The following FRYL variants were observed in gnomAD, a reference collection of about 807,000 sequenced individuals.
The protein encoded by FRYL is protein furry homolog-like.
In FRYL, 150 loss-of-function variants were observed where a neutral mutation model predicts 351.2. That is an observed-to-expected ratio of 0.43 (90% confidence interval 0.37 to 0.49). The LOEUF is 0.49. FRYL is among the 20% of genes least tolerant of loss of function. The pLI is 0.00. For missense variants in FRYL, 3,036 were observed against 3,619.3 expected (o/e 0.84, Z 4.13); for synonymous variants, 1,153 against 1,257.1 (o/e 0.92, Z 1.75).
chr4:48,555,720 T>C (rs1267568896), intron 35 of FRYL, among the ~76,000 whole-genome samples: 1 of 152,102 alleles, frequency 6.6e-6, no homozygotes, highest in Non-Finnish European at 1.5e-5. Flanking sequence ...TGCGGTAACG[T>C]TGTCTTGTAC....
intron 3 of FRYL, among the ~76,000 whole-genome samples, chr4:48,674,731 T>C (rs1342681565): frequency 6.4e-4 from 1 of 1,562 alleles, no homozygotes; most frequent in African/African-American, 1.0e-3. Flanking sequence ...AGCAAGACTC[T>C]GTCTCAAAAA....
intron 36 of FRYL, 106 bp from the exon 37 acceptor site, chr4:48,551,684 G>T: frequency 1.5e-6 from 1 of 685,616 alleles, no homozygotes; most frequent in Non-Finnish European, 2.5e-6. Flanking sequence ...TAAAATGAGA[G>T]CAAAGTCATT....
At chr4:48,698,913 A>T (rs867012835) in intron 2 of FRYL, among the ~76,000 whole-genome samples, 1 of 152,152 alleles carries the variant, frequency 6.6e-6, no homozygotes. Context: ...CACTCTAACA[A>T]ATGGTGCCCT....
At chr4:48,523,570 T>A (rs1725346425) in intron 53 of FRYL, 1 of 154,166 alleles carries the variant, frequency 6.5e-6, no homozygotes, top group African/African-American at 2.4e-5. Context: ...ACTACACTTT[T>A]GGGGCAAACT....
chr4:48,706,892 C>A (rs1227383194), intron 2 of FRYL, among the ~76,000 whole-genome samples: 8 of 152,114 alleles, frequency 5.3e-5, no homozygotes, highest in Non-Finnish European at 1.0e-4. Context: ...CTTGAAAGCA[C>A]CCCCAGAAGG....
chr4:48,668,400 AAAAG>A (rs1407690975), intron 3 of FRYL, among the ~76,000 whole-genome samples: 12 of 151,750 alleles, frequency 7.9e-5, no homozygotes, highest in East Asian at 5.8e-4. Flanking sequence ...AAAAAAAAAA[AAAAG>A]AAAGAAAGAA....
At chr4:48,766,949 A>G (rs1425813735) in intron 1 of FRYL, among the ~76,000 whole-genome samples, 1 of 149,032 alleles carries the variant, frequency 6.7e-6, no homozygotes, top group African/African-American at 2.4e-5. Flanking sequence ...TTGATGTTAA[A>G]AAACAGATGA....
intron 35 of FRYL, among the ~76,000 whole-genome samples, chr4:48,553,872 T>C (rs546365145): frequency 6.6e-6 from 1 of 152,214 alleles, no homozygotes; most frequent in Admixed American, 6.5e-5. Flanking sequence ...TCCAACTACA[T>C]TGCCTGGTTT....
chr4:48,580,816 G>C (rs878918652), intron 22 of FRYL, 49 bp downstream of exon 22: 1 of 1,170,328 alleles, frequency 8.5e-7, no homozygotes, highest in Non-Finnish European at 1.3e-6. Context: ...ATATGTGTCT[G>C]TCATAAGTCT....
intron 47 of FRYL, among the ~76,000 whole-genome samples, chr4:48,536,813 A>C (rs1253798650): frequency 6.6e-6 from 1 of 152,208 alleles, no homozygotes; most frequent in East Asian, 1.9e-4. Context: ...ATACATCTTC[A>C]ACTTTCAAAT....
intron 2 of FRYL, among the ~76,000 whole-genome samples, chr4:48,701,927 A>G (rs1766761518): frequency 6.6e-6 from 1 of 152,244 alleles, no homozygotes; most frequent in Non-Finnish European, 1.5e-5. Flanking sequence ...AACCCAATAT[A>G]CAGAATATAA....
chr4:48,704,454 C>A (rs889449895), intron 2 of FRYL, among the ~76,000 whole-genome samples: 1 of 152,084 alleles, frequency 6.6e-6, no homozygotes, highest in African/African-American at 2.4e-5. Flanking sequence ...GATGGGAACA[C>A]AAAGAGGTAT....
At chr4:48,578,110 T>A (rs2149141955) in intron 23 of FRYL, among the ~76,000 whole-genome samples, 3 of 150,270 alleles carry the variant, frequency 2.0e-5, no homozygotes, top group South Asian at 2.1e-4. Context: ...AAAAAAAAGG[T>A]ATCCTACGCT....
intron 32 of FRYL, among the ~76,000 whole-genome samples, chr4:48,561,935 G>A (rs1270027070): frequency 6.6e-6 from 1 of 152,152 alleles, no homozygotes; most frequent in Non-Finnish European, 1.5e-5. Flanking sequence ...AGGGTCACTT[G>A]AGCTCAGGAG....
chr4:48,604,885 T>C (rs1746450681), intron 11 of FRYL, among the ~76,000 whole-genome samples: 1 of 151,852 alleles, frequency 6.6e-6, no homozygotes, highest in African/African-American at 2.4e-5. Context: ...CGAACTGCCT[T>C]AAAAACTAAA....
intron 41 of FRYL, 121 bp downstream of exon 41, chr4:48,547,463 A>C (rs965339371): frequency 2.0e-6 from 1 of 498,136 alleles, no homozygotes; most frequent in African/African-American, 2.0e-5. Flanking sequence ...AAAATAATAC[A>C]ACTACATTTT....
intron 33 of FRYL, among the ~76,000 whole-genome samples, chr4:48,560,143 C>T (rs1735143994): frequency 6.6e-6 from 1 of 152,012 alleles, no homozygotes. Flanking sequence ...ATGGGAAGGG[C>T]CTCAGAGCTG....
intron 2 of FRYL, among the ~76,000 whole-genome samples, chr4:48,708,905 C>T (rs1388454738): frequency 3.5e-4 from 35 of 101,410 alleles, no homozygotes; most frequent in Admixed American, 4.2e-4. Flanking sequence ...CAAAAGGTAT[C>T]GTGTGTTTTT....
At chr4:48,570,940 A>C in intron 26 of FRYL, 22 bp from the exon 27 acceptor site, 1 of 1,552,400 alleles carries the variant, frequency 6.4e-7, no homozygotes, top group South Asian at 1.1e-5. Flanking sequence ...ATACAAACAC[A>C]TTAATTAAAA....
Sources: allele counts gnomAD v4.1 joint callset (sites outside exome capture counted in the v4.1 genomes callset), GRCh38; gene constraint gnomAD v4.1.1; transcripts MANE v1.5; gene names NCBI Gene and HGNC (gene_info 2026-07-23, HGNC 2026-07-21).